TMPRSS11A: variants seen among roughly 807,000 people sequenced by gnomAD.
TMPRSS11A encodes the protein transmembrane protease serine 11A.
Under a neutral mutation model 58.9 loss-of-function variants are expected in TMPRSS11A, and 53 were observed. The ratio of observed to expected loss-of-function variants is 0.90; its 90% CI spans 0.72 to 1.13. The LOEUF is 1.13. Among genes scored for constraint, TMPRSS11A ranks in the 50% most tolerant of loss-of-function variants. The pLI is 0.00. For missense variants in TMPRSS11A, 493 were observed against 499.3 expected, an observed-to-expected ratio of 0.99 and a Z score of 0.12; for synonymous variants, 167 against 169.8, an observed-to-expected ratio of 0.98 and a Z score of 0.13.
chr4:67,955,141 A>G (rs892960479), intron 1 of TMPRSS11A, among the ~76,000 whole-genome samples: 1 of 152,204 alleles, frequency 6.6e-6, no homozygotes, highest in Non-Finnish European at 1.5e-5. Flanking sequence ...GGTGTCAGGA[A>G]GTACCAGAAC....
chr4:67,913,035 T>G (rs1577848844), intron 9 of TMPRSS11A, among the ~76,000 whole-genome samples: 1 of 152,326 alleles, frequency 6.6e-6, no homozygotes, highest in Admixed American at 6.5e-5. Context: ...TTCCTTGATT[T>G]TATCTTCCAA....
intron 3 of TMPRSS11A, among the ~76,000 whole-genome samples, chr4:67,944,159 T>C (rs1328502452): frequency 1.3e-5 from 2 of 152,200 alleles, no homozygotes; most frequent in East Asian, 1.9e-4. Flanking sequence ...TGTGGACTTA[T>C]AAAAACTAGT....
chr4:67,944,072 T>C (rs1356637836), intron 3 of TMPRSS11A, among the ~76,000 whole-genome samples: 1 of 152,192 alleles, frequency 6.6e-6, no homozygotes, highest in African/African-American at 2.4e-5. Flanking sequence ...GTTTTTTGTC[T>C]TTATCAATAT....
At chr4:67,945,390 T>A (rs768382338) in intron 2 of TMPRSS11A, among the ~76,000 whole-genome samples, 2 of 152,128 alleles carry the variant, frequency 1.3e-5, no homozygotes, top group African/African-American at 2.4e-5. Flanking sequence ...GTTTCGAGAC[T>A]ACAAACCAAG....
At chr4:67,931,042 T>C (rs1438353082) in intron 4 of TMPRSS11A, among the ~76,000 whole-genome samples, 1 of 152,100 alleles carries the variant, frequency 6.6e-6, no homozygotes, top group African/African-American at 2.4e-5. Context: ...AGGTATTATA[T>C]AGTGATGGCT....
chr4:67,962,862 T>C (rs1165046009), intron 1 of TMPRSS11A, among the ~76,000 whole-genome samples: 1 of 152,234 alleles, frequency 6.6e-6, no homozygotes. Context: ...GTATTGAGCT[T>C]GTTTTCTCAT....
intron 8 of TMPRSS11A, among the ~76,000 whole-genome samples, chr4:67,917,563 G>A (rs1391483255): frequency 6.6e-6 from 1 of 152,088 alleles, no homozygotes; most frequent in African/African-American, 2.4e-5. Context: ...ATCTATTAAT[G>A]TACTTAACAG....
chr4:67,942,755 G>A (rs1276842418), intron 3 of TMPRSS11A, among the ~76,000 whole-genome samples: 1 of 152,136 alleles, frequency 6.6e-6, no homozygotes, highest in Non-Finnish European at 1.5e-5. Context: ...GGTCTATAAG[G>A]GGGTAAGTAG....
chr4:67,948,100 G>T (rs371490101), intron 1 of TMPRSS11A, among the ~76,000 whole-genome samples: 18 of 150,274 alleles, frequency 1.2e-4, no homozygotes, highest in African/African-American at 4.4e-4. Flanking sequence ...TCACAGGATT[G>T]GTTGATTTAT....
intron 9 of TMPRSS11A, among the ~76,000 whole-genome samples, chr4:67,914,076 C>A (rs1372051279): frequency 6.6e-6 from 1 of 152,154 alleles, no homozygotes; most frequent in Non-Finnish European, 1.5e-5. Flanking sequence ...CTTGGAGTTC[C>A]CTCAGATATG....
intron 4 of TMPRSS11A, among the ~76,000 whole-genome samples, chr4:67,931,769 GT>G (rs1477301581): frequency 6.6e-6 from 1 of 152,170 alleles, no homozygotes; most frequent in Admixed American, 6.5e-5. Flanking sequence ...GAAACTGTCA[GT>G]TGGTGAACTT....
intron 3 of TMPRSS11A, among the ~76,000 whole-genome samples, chr4:67,936,257 A>G (rs7670996): frequency 0.012 from 1,775 of 152,240 alleles, 31 homozygotes; most frequent in African/African-American, 0.04. Flanking sequence ...TTACTCTCCA[A>G]AAATAAGAAT....
chr4:67,931,307 T>C (rs1377325379), intron 4 of TMPRSS11A, among the ~76,000 whole-genome samples: 3 of 152,210 alleles, frequency 2.0e-5, no homozygotes, highest in African/African-American at 7.2e-5. Context: ...AAAGGGATAA[T>C]TATTTTCTTC....
At chr4:67,961,463 TTTCC>T (rs1721416872) in intron 1 of TMPRSS11A, among the ~76,000 whole-genome samples, 1 of 149,668 alleles carries the variant, frequency 6.7e-6, no homozygotes, top group African/African-American at 2.5e-5. Flanking sequence ...TTTTCTTTTC[TTTCC>T]TTTCCTTTTC....
At chr4:67,946,797 C>A (rs1021901325) in intron 1 of TMPRSS11A, among the ~76,000 whole-genome samples, 3 of 151,788 alleles carry the variant, frequency 2.0e-5, no homozygotes, top group Non-Finnish European at 2.9e-5. Flanking sequence ...ATTTGGTGGC[C>A]TCTTTGTGGT....
chr4:67,924,330 T>C (rs1720410097), intron 5 of TMPRSS11A, among the ~76,000 whole-genome samples, 164 bp from the exon 6 acceptor site: 1 of 152,210 alleles, frequency 6.6e-6, no homozygotes, highest in Admixed American at 6.5e-5. Flanking sequence ...CTGTGTACAG[T>C]TTTTGTAGAG....
At position 67,911,489 on chromosome 4, in the gene TMPRSS11A, TC is replaced by T; in HGVS notation, c.1109del (p.Gly370AspfsTer3). The T allele has an allele frequency of 6.2e-7, 1 of 1,607,820 alleles. No homozygotes were observed. Among genetic ancestry groups the T allele is most frequent in the Non-Finnish European group, 8.5e-7 (1 of 1,177,918 alleles). ...IYDACRGDSG[G>X]PLVTRDLKDT... Reference sequence around the variant, plus strand: ...CTTTCAGATCCCTTGTGACTAAAGGTCCCCCAGAATCACCCTAAAAATAAAA... The same window carrying T: ...CTTTCAGATCCCTTGTGACTAAAGGTCCCCAGAATCACCCTAAAAATAAAA... On this transcript the variant is annotated frameshift_variant, in exon 10 of 10. Coordinates refer to ENST00000508048, the MANE Select transcript of TMPRSS11A (RefSeq NM_001114387.2). LOFTEE classifies it high-confidence loss of function.
At chr4:67,935,714 A>G (rs1176096553) in intron 3 of TMPRSS11A, among the ~76,000 whole-genome samples, 6 of 152,200 alleles carry the variant, frequency 3.9e-5, no homozygotes, top group African/African-American at 1.2e-4. Context: ...TTTATTTATC[A>G]GAAAGTTTTG....
At position 67,947,509 on chromosome 4, in the gene TMPRSS11A, T is replaced by A. The variant is rs145640010; in HGVS notation, c.12-938A>T. On this transcript the variant is annotated intron_variant, in intron 1 of 9. Coordinates refer to ENST00000508048, the MANE Select transcript of TMPRSS11A (RefSeq NM_001114387.2). ...CTGTGGTATTATTTAACTTGTTCTT[T>A]TATATCCCTCATTTCCTATAAATTG... is the stretch of plus-strand genomic sequence containing the variant. 3.3e-5 allele frequency among the ~76,000 whole-genome samples: 5 copies of A among 152,362 alleles called. No individual in the cohort carries two copies. In the East Asian group the frequency reaches 9.6e-4, roughly 29 times the overall value.
Sources: gnomAD v4.1 joint callset for allele counts (sites outside exome capture counted in the v4.1 genomes callset) on GRCh38, gnomAD v4.1.1 for gene constraint, MANE v1.5 for transcripts, NCBI Gene and HGNC (gene_info 2026-07-23, HGNC 2026-07-21) for gene names.